Variants in SMYD3 observed in about 807,000 individuals in gnomAD.
SMYD3 encodes the protein SET and MYND domain containing 3, also known as histone-lysine N-methyltransferase SMYD3.
SMYD3 carries 36 observed loss-of-function variants against 57.7 expected under a neutral mutation model. That is an observed-to-expected ratio of 0.62 (90% CI 0.48 to 0.82). The LOEUF (loss-of-function observed/expected upper bound fraction) is 0.82. Ranked by LOEUF, SMYD3 falls within the 40% of genes least tolerant of loss-of-function variation. The pLI, the probability that SMYD3 is intolerant of heterozygous loss-of-function variation, is 0.00. For synonymous variants in SMYD3, 211 were observed against 195.0 expected, an observed-to-expected ratio of 1.08 and a Z score of -0.68; for missense variants, 515 against 538.8, an observed-to-expected ratio of 0.96 and a Z score of 0.44.
intron 5 of SMYD3, among the ~76,000 whole-genome samples, chr1:246,151,019 G>A (rs895299315): frequency 6.6e-5 from 10 of 152,026 alleles, no homozygotes; most frequent in South Asian, 2.1e-4. Context: ...AGGTCGAGGC[G>A]GGTGGATCAC....
intron 5 of SMYD3, among the ~76,000 whole-genome samples, chr1:246,314,957 T>C (rs899255680): frequency 1.3e-5 from 2 of 152,230 alleles, no homozygotes; most frequent in African/African-American, 4.8e-5. Flanking sequence ...ACATTTTCAC[T>C]TCAACTTAGC....
chr1:246,110,168 CTGAG>C (rs2061207691), intron 5 of SMYD3, among the ~76,000 whole-genome samples: 1 of 152,168 alleles, frequency 6.6e-6, no homozygotes. Context: ...GTACATGCCA[CTGAG>C]TAAGGGGTGC....
At chr1:245,825,292 A>G (rs1364736829) in intron 10 of SMYD3, among the ~76,000 whole-genome samples, 1 of 152,162 alleles carries the variant, frequency 6.6e-6, no homozygotes, top group African/African-American at 2.4e-5. Context: ...ACGGCTCCCA[A>G]CAAGCTCCTC....
intron 5 of SMYD3, among the ~76,000 whole-genome samples, chr1:246,065,866 A>T (rs892257215): frequency 1.3e-4 from 20 of 152,212 alleles, no homozygotes; most frequent in African/African-American, 4.6e-4. Context: ...AGGAACTTAT[A>T]GCCACGTAGA....
intron 5 of SMYD3, among the ~76,000 whole-genome samples, chr1:245,961,377 TTTATC>T (rs1430726333): frequency 1.3e-5 from 2 of 152,228 alleles, no homozygotes; most frequent in African/African-American, 4.8e-5. Flanking sequence ...CAGAATGTAC[TTTATC>T]TTGTCAGCAC....
At position 245,833,059 on chromosome 1, in the gene SMYD3, C is replaced by CA. The variant is rs35215737; in HGVS notation, c.1076+25436dup. ...TTTAATTACTGCCCGGAATATGTGACAAAAAAAAAAAAAAAACCTGCTTTT... is the reference window on the plus strand; with the variant it reads ...TTTAATTACTGCCCGGAATATGTGACAAAAAAAAAAAAAAAAACCTGCTTTT... On this transcript the variant is annotated intron_variant, in intron 10 of 11. Coordinates refer to ENST00000490107, the MANE Select transcript of SMYD3 (RefSeq NM_001167740.2). Among the ~76,000 whole-genome samples the CA allele has an allele frequency of 6.2e-3, 255 of 40,878 alleles. 13 individuals are homozygous for CA. The highest frequency in any genetic ancestry group is 0.032 in the South Asian group (34 of 1,076). 26.8% of individuals were successfully genotyped at this position (40,878 alleles called of 152,430 possible).
intron 5 of SMYD3, among the ~76,000 whole-genome samples, chr1:246,296,153 G>A (rs1448703346): frequency 1.3e-5 from 2 of 152,186 alleles, no homozygotes; most frequent in Admixed American, 1.3e-4. Flanking sequence ...GTCTGGACAT[G>A]CAGACTATGC....
intron 5 of SMYD3, among the ~76,000 whole-genome samples, chr1:246,155,263 A>G (rs946287275): frequency 2.0e-5 from 3 of 152,216 alleles, no homozygotes; most frequent in Non-Finnish European, 4.4e-5. Flanking sequence ...TATTACTTTA[A>G]AAAGAAAAAA....
chr1:245,966,995 G>A (rs1330176229), intron 5 of SMYD3, among the ~76,000 whole-genome samples: 1 of 152,128 alleles, frequency 6.6e-6, no homozygotes, highest in Non-Finnish European at 1.5e-5. Flanking sequence ...GCTCCCCACT[G>A]TTAATTCAGT....
rs778688212 is a variant in SMYD3, at chr1:246,327,322, G to T, written c.410C>A (p.Thr137Asn). The change falls in exon 5 of 12, where the codon ACT becomes AAT. Residue 137 changes from threonine (T) to asparagine (N), a missense_variant. By Grantham distance (65) the Thr-to-Asn change is moderately conservative. Transcript: ENST00000490107. ...YDLESNINKL[T>N]EDKKEGLRQL... Reference sequence around the variant, plus strand: ...CCTGAGGCCCTCTTTCTTATCTTCAGTCAGTTTGTTAATATCTTTTTTAAA... The same window carrying T: ...CCTGAGGCCCTCTTTCTTATCTTCATTCAGTTTGTTAATATCTTTTTTAAA... The T allele has an allele frequency of 5.6e-6, 9 of 1,611,934 alleles. No individual in the cohort carries two copies. Among genetic ancestry groups the T allele is most frequent in the Non-Finnish European group, 7.6e-6 (9 of 1,179,254 alleles).
chr1:245,760,452 G>C (rs560380557), intron 11 of SMYD3, among the ~76,000 whole-genome samples: 5 of 152,098 alleles, frequency 3.3e-5, no homozygotes, highest in African/African-American at 7.2e-5. Context: ...CACAGGTCAC[G>C]TGAGCTTTCC....
At chr1:246,297,439 T>C (rs1234045233) in intron 5 of SMYD3, among the ~76,000 whole-genome samples, 2 of 152,112 alleles carry the variant, frequency 1.3e-5, no homozygotes, top group Non-Finnish European at 2.9e-5. Context: ...TAGCCTACAA[T>C]GGGTTAATGA....
intron 8 of SMYD3, among the ~76,000 whole-genome samples, chr1:245,888,090 G>A (rs1354510497): frequency 6.6e-6 from 1 of 152,084 alleles, no homozygotes; most frequent in Non-Finnish European, 1.5e-5. Flanking sequence ...GTGAGTCAGG[G>A]CTCCCTGGAC....
chr1:246,329,871 G>A (rs2065430089), intron 4 of SMYD3, among the ~76,000 whole-genome samples: 1 of 152,164 alleles, frequency 6.6e-6, no homozygotes, highest in Admixed American at 6.5e-5. Flanking sequence ...GCCCTGGCTA[G>A]TTTTGAGTTG....
intron 5 of SMYD3, among the ~76,000 whole-genome samples, chr1:245,953,880 C>T (rs746845610): frequency 1.3e-4 from 20 of 152,186 alleles, no homozygotes; most frequent in South Asian, 8.3e-4. Flanking sequence ...AAGATTAAAA[C>T]GTGTTTAGCT....
intron 8 of SMYD3, among the ~76,000 whole-genome samples, chr1:245,875,354 G>A (rs549720255): frequency 6.6e-6 from 1 of 152,334 alleles, no homozygotes; most frequent in East Asian, 1.9e-4. Flanking sequence ...GGTACAGGGA[G>A]GGGCAAGTGA....
intron 5 of SMYD3, among the ~76,000 whole-genome samples, chr1:246,004,321 G>A (rs763309215): frequency 6.6e-5 from 10 of 152,080 alleles, no homozygotes; most frequent in African/African-American, 1.4e-4. Flanking sequence ...TTCTGATACC[G>A]CTCACCCCAG....
intron 1 of SMYD3, among the ~76,000 whole-genome samples, chr1:246,367,166 G>C (rs577729167): frequency 6.6e-6 from 1 of 152,272 alleles, no homozygotes; most frequent in African/African-American, 2.4e-5. Flanking sequence ...TCTGGTGACA[G>C]CAACTGTTCA....
At chr1:246,494,330 C>T (rs1420771540) in intron 1 of SMYD3, among the ~76,000 whole-genome samples, 2 of 152,210 alleles carry the variant, frequency 1.3e-5, no homozygotes, top group African/African-American at 4.8e-5. Flanking sequence ...TAGTTGTTAT[C>T]TCTACCACTT....
Sources: gnomAD v4.1 joint callset for allele counts (sites outside exome capture counted in the v4.1 genomes callset) on GRCh38, gnomAD v4.1.1 for gene constraint, MANE v1.5 for transcripts, NCBI Gene and HGNC (gene_info 2026-07-23, HGNC 2026-07-21) for gene names.